The following STAG1 variants were observed in gnomAD, a reference collection of about 807,000 sequenced individuals.
STAG1 encodes STAG1 cohesin complex component, also known as cohesin subunit SA-1.
In STAG1, 26 loss-of-function variants were observed where a neutral mutation model predicts 170.9. That is an observed-to-expected ratio of 0.15 (90% CI 0.11 to 0.21). The LOEUF (loss-of-function observed/expected upper bound fraction) is 0.21, where lower values mean the gene tolerates loss of function less well. Ranked by LOEUF, STAG1 falls within the 10% of genes least tolerant of loss-of-function variation. STAG1 has a pLI of 1.00. For missense variants in STAG1, 964 were observed against 1,509.5 expected, an observed-to-expected ratio of 0.64 and a Z score of 5.99; for synonymous variants, 514 against 497.7, an observed-to-expected ratio of 1.03 and a Z score of -0.44.
intron 1 of STAG1, among the ~76,000 whole-genome samples, chr3:136,703,627 A>G (rs922262251): frequency 5.3e-5 from 8 of 152,226 alleles, no homozygotes; most frequent in Admixed American, 1.3e-4. Flanking sequence ...CATAGGCTTC[A>G]GTGACCACAC....
chr3:136,398,241 C>A (rs2087224102), intron 22 of STAG1, among the ~76,000 whole-genome samples: 1 of 152,156 alleles, frequency 6.6e-6, no homozygotes, highest in African/African-American at 2.4e-5. Flanking sequence ...CTTCAGCCTC[C>A]CAAGTAGCTG....
intron 6 of STAG1, among the ~76,000 whole-genome samples, chr3:136,534,643 A>C (rs1045461085): frequency 6.6e-6 from 1 of 152,202 alleles, no homozygotes; most frequent in Non-Finnish European, 1.5e-5. Flanking sequence ...GGTATATGAA[A>C]AAGTGCTCAA....
intron 1 of STAG1, among the ~76,000 whole-genome samples, chr3:136,639,820 T>C (rs78727643): frequency 0.023 from 3,523 of 152,306 alleles, 60 homozygotes; most frequent in Non-Finnish European, 0.038. Context: ...GTGTTTTTAA[T>C]ATGGTAAAGA....
chr3:136,358,628 G>A (rs1391096649), intron 27 of STAG1, among the ~76,000 whole-genome samples: 1 of 152,066 alleles, frequency 6.6e-6, no homozygotes, highest in Non-Finnish European at 1.5e-5. Context: ...AGGCTGGAGG[G>A]CAGTGGTACA....
chr3:136,698,528 A>G (rs993161680), intron 1 of STAG1, among the ~76,000 whole-genome samples: 2 of 152,160 alleles, frequency 1.3e-5, no homozygotes, highest in African/African-American at 4.8e-5. Flanking sequence ...AAAAGGCAAC[A>G]TTTTTACACT....
chr3:136,529,855 T>C (rs564026137), intron 6 of STAG1, among the ~76,000 whole-genome samples: 2 of 152,036 alleles, frequency 1.3e-5, no homozygotes, highest in African/African-American at 4.8e-5. Context: ...CAGAAAACAA[T>C]TAACACTATG....
chr3:136,556,075 C>T (rs1936602154), intron 5 of STAG1, among the ~76,000 whole-genome samples: 1 of 152,066 alleles, frequency 6.6e-6, no homozygotes, highest in Admixed American at 6.5e-5. Context: ...ATTAAAATAT[C>T]AGTGGTAGAC....
At chr3:136,404,461 C>T (rs1260251836) in intron 21 of STAG1, among the ~76,000 whole-genome samples, 1 of 152,258 alleles carries the variant, frequency 6.6e-6, no homozygotes, top group East Asian at 1.9e-4. Flanking sequence ...ATGAAAACTT[C>T]GGTCCCTGAA....
At position 136,400,130 on chromosome 3, in the gene STAG1, G is replaced by A. The variant is rs192570990; in HGVS notation, c.2197-1301C>T. On this transcript the variant is annotated intron_variant, in intron 21 of 33. Transcript: ENST00000383202. ...TAGAGGCGGGGTTTCACCATGATGC[G>A]CAGGCTGGTCTCAAACTCCTGGACT... 7.9e-5 allele frequency among the ~76,000 whole-genome samples: 12 copies of A among 152,076 alleles called. No homozygotes were observed. In the South Asian group the frequency reaches 1.0e-3, roughly 13 times the overall value.
intron 12 of STAG1, among the ~76,000 whole-genome samples, chr3:136,467,390 C>G (rs1034487255): frequency 6.6e-6 from 1 of 152,066 alleles, no homozygotes; most frequent in Non-Finnish European, 1.5e-5. Flanking sequence ...TTTAAACCAA[C>G]AAAGACAGAA....
intron 7 of STAG1, among the ~76,000 whole-genome samples, chr3:136,503,583 C>G (rs1309307961): frequency 1.3e-5 from 2 of 152,002 alleles, no homozygotes; most frequent in South Asian, 4.1e-4. Context: ...ATAATTTCCC[C>G]TTTTTGCTCC....
At chr3:136,521,567 T>C (rs1246174006) in intron 6 of STAG1, 150 bp from the exon 7 acceptor site, 3 of 616,980 alleles carry the variant, frequency 4.9e-6, no homozygotes, top group African/African-American at 1.9e-5. Flanking sequence ...GATTGCTTTA[T>C]TTCTCTTTGA....
chr3:136,447,390 T>G (rs1435473486), intron 14 of STAG1, among the ~76,000 whole-genome samples: 1 of 151,466 alleles, frequency 6.6e-6, no homozygotes, highest in Non-Finnish European at 1.5e-5. Flanking sequence ...AATCACTTGA[T>G]CCCAGGAGGC....
chr3:136,585,947 C>T (rs973782930), intron 4 of STAG1, among the ~76,000 whole-genome samples: 1 of 152,130 alleles, frequency 6.6e-6, no homozygotes, highest in Non-Finnish European at 1.5e-5. Flanking sequence ...CATATTCAAA[C>T]CAAATTTATT....
intron 21 of STAG1, among the ~76,000 whole-genome samples, chr3:136,410,137 T>C (rs2087586510): frequency 6.6e-6 from 1 of 151,054 alleles, no homozygotes; most frequent in Non-Finnish European, 1.5e-5. Context: ...TGGTGGCTCA[T>C]GCCTGGAATC....
At chr3:136,670,920 G>C (rs939647206) in intron 1 of STAG1, among the ~76,000 whole-genome samples, 1 of 151,894 alleles carries the variant, frequency 6.6e-6, no homozygotes, top group South Asian at 2.1e-4. Flanking sequence ...TTTTTGTTTT[G>C]CATCTGTATA....
At chr3:136,379,531 A>G (rs902373503) in intron 22 of STAG1, among the ~76,000 whole-genome samples, 1 of 152,184 alleles carries the variant, frequency 6.6e-6, no homozygotes, top group Admixed American at 6.5e-5. Flanking sequence ...CAACATGATG[A>G]AACCCCGTCT....
chr3:136,614,567 T>C (rs1939484758), intron 3 of STAG1, among the ~76,000 whole-genome samples: 2 of 152,208 alleles, frequency 1.3e-5, no homozygotes, highest in African/African-American at 4.8e-5. Context: ...ACTGTTCCTA[T>C]ATAAAAATGA....
intron 6 of STAG1, among the ~76,000 whole-genome samples, chr3:136,530,826 C>A (rs1935331465): frequency 6.6e-6 from 1 of 152,238 alleles, no homozygotes; most frequent in South Asian, 2.1e-4. Context: ...AGGTTTCAGG[C>A]CAGGCACAGC....
Sources: allele counts gnomAD v4.1 joint callset (sites outside exome capture counted in the v4.1 genomes callset), GRCh38; gene constraint gnomAD v4.1.1; transcripts MANE v1.5; gene names NCBI Gene and HGNC (gene_info 2026-07-23, HGNC 2026-07-21).